RARRES1: variants seen among roughly 807,000 people sequenced by gnomAD.
RARRES1 encodes retinoic acid receptor responder 1, also known as retinoic acid receptor responder protein 1.
A neutral mutation model predicts 30.6 loss-of-function variants in RARRES1; 34 were observed. That is an observed-to-expected ratio of 1.11 (90% CI 0.84 to 1.48). RARRES1 has a LOEUF of 1.48. RARRES1 is among the 40% of genes most tolerant of loss of function. The probability of loss-of-function intolerance (pLI) is 0.00; values close to 1 mark genes in which losing one functional copy is unlikely to be tolerated. For missense variants in RARRES1, 373 were observed against 386.5 expected, an observed-to-expected ratio of 0.97 and a Z score of 0.29; for synonymous variants, 153 against 155.5, an observed-to-expected ratio of 0.98 and a Z score of 0.12.
intron 1 of RARRES1, among the ~76,000 whole-genome samples, chr3:158,717,207 T>C (rs1299547840): frequency 6.6e-6 from 1 of 152,234 alleles, no homozygotes; most frequent in Non-Finnish European, 1.5e-5. Flanking sequence ...GGGTCGTTGA[T>C]GTTCAACAAC....
chr3:158,732,111 C>T, intron 1 of RARRES1, 29 bp downstream of exon 1: 2 of 1,314,426 alleles, frequency 1.5e-6, no homozygotes, highest in African/African-American at 1.5e-5. Flanking sequence ...CAGGCAGGCG[C>T]GTGCCCCGGC....
At chr3:158,699,775 A>C (rs1206668504) in intron 4 of RARRES1, among the ~76,000 whole-genome samples, 1 of 152,200 alleles carries the variant, frequency 6.6e-6, no homozygotes, top group African/African-American at 2.4e-5. Context: ...CACAAGCTGG[A>C]AAGTCAGAGA....
intron 1 of RARRES1, among the ~76,000 whole-genome samples, chr3:158,720,273 T>TGAGAGAGAGA (rs968371151): frequency 1.1e-4 from 16 of 144,538 alleles, no homozygotes; most frequent in African/African-American, 3.8e-4. Flanking sequence ...TGTATGTGTG[T>TGAGAGAGAGA]GAGAGAGAGA....
At chr3:158,709,124 C>G (rs1261423913) in intron 3 of RARRES1, among the ~76,000 whole-genome samples, 1 of 152,108 alleles carries the variant, frequency 6.6e-6, no homozygotes, top group African/African-American at 2.4e-5. Flanking sequence ...AAAAGTTGCC[C>G]TCTATTAAAG....
Position 158,723,698 on chromosome 3 carries a change from G to A in RARRES1, c.276+8442C>T, listed in dbSNP as rs146586669. On this transcript the variant is annotated intron_variant, in intron 1 of 5. Coordinates refer to ENST00000237696, the MANE Select transcript of RARRES1 (RefSeq NM_206963.2). The surrounding 1 kb of genome is among the most constrained non-coding windows in gnomAD (Gnocchi z 4.4). Reference sequence around the variant, plus strand: ...CTTGATTTGGGGTAGGAAGCGAGTGGAAGTGGCCAGAGGCAGCTGCCCCCT... The same window carrying A: ...CTTGATTTGGGGTAGGAAGCGAGTGAAAGTGGCCAGAGGCAGCTGCCCCCT... 6.6e-6 allele frequency among the ~76,000 whole-genome samples: 1 copy of A among 152,166 alleles called. No individual in the cohort carries two copies. Among genetic ancestry groups the A allele is most frequent in the Admixed American group, 6.5e-5 (1 of 15,278 alleles).
intron 3 of RARRES1, among the ~76,000 whole-genome samples, chr3:158,707,691 C>A (rs1576811910): frequency 6.6e-6 from 1 of 152,262 alleles, no homozygotes; most frequent in East Asian, 1.9e-4. Context: ...ACACAGCTGT[C>A]ATGTGGAGTG....
chr3:158,726,960 G>A (rs1445945134), intron 1 of RARRES1, among the ~76,000 whole-genome samples: 1 of 152,136 alleles, frequency 6.6e-6, no homozygotes, highest in African/African-American at 2.4e-5. Flanking sequence ...TCTGAGATCT[G>A]GTTGTTTGAG....
rs147963906 is a variant in RARRES1, at chr3:158,708,425, C to T, written c.535+2313G>A. ...TATAGAACCACTTGGGCAGACACAA[C>T]TTTAGCTGGTTATTCCCAGGTCTTC... On this transcript the variant is annotated intron_variant, in intron 3 of 5. Transcript: ENST00000237696. Among the ~76,000 whole-genome samples, 507 of 152,290 alleles carry T rather than the reference C, an allele frequency of 3.3e-3. 1 individual carries two copies. The highest frequency in any genetic ancestry group is 0.011 in the African/African-American group (463 of 41,568).
At chr3:158,713,668 A>C (rs1727220067) in intron 2 of RARRES1, 129 bp downstream of exon 2, 1 of 867,292 alleles carries the variant, frequency 1.2e-6, no homozygotes, top group South Asian at 1.8e-5. Context: ...CTTGATAACA[A>C]ATAGGAAACA....
intron 3 of RARRES1, among the ~76,000 whole-genome samples, chr3:158,709,382 A>T (rs1241929152): frequency 1.3e-5 from 2 of 152,196 alleles, no homozygotes; most frequent in Non-Finnish European, 2.9e-5. Context: ...ATAAGTGTAG[A>T]TTTATAAGTA....
chr3:158,698,547 G>A (rs1726625428), intron 4 of RARRES1, among the ~76,000 whole-genome samples: 1 of 152,140 alleles, frequency 6.6e-6, no homozygotes, highest in East Asian at 1.9e-4. Flanking sequence ...AGCTATACAC[G>A]CTGTTTCTAA....
At chr3:158,714,510 A>C (rs1727254622) in intron 1 of RARRES1, among the ~76,000 whole-genome samples, 1 of 152,208 alleles carries the variant, frequency 6.6e-6, no homozygotes, top group South Asian at 2.1e-4. Flanking sequence ...CAACAGGATG[A>C]ATCACCAACA....
chr3:158,731,978 A>G (rs6441222), intron 1 of RARRES1, among the ~76,000 whole-genome samples, 162 bp downstream of exon 1: 37,514 of 152,120 alleles, frequency 0.25, 5,829 homozygotes, highest in African/African-American at 0.44. Flanking sequence ...GGGATACTTC[A>G]GGGGCGCCAG....
intron 4 of RARRES1, among the ~76,000 whole-genome samples, chr3:158,700,546 T>C (rs1726691036): frequency 1.3e-5 from 2 of 152,142 alleles, no homozygotes; most frequent in African/African-American, 4.8e-5. Context: ...TTTTTATAGA[T>C]TCCTCCTCCT....
Position 158,697,980 on chromosome 3 carries a change from G to A in RARRES1, c.673-10C>T. 6.7e-7 allele frequency: 1 copy of A among 1,483,340 alleles called. No homozygotes were observed. Among genetic ancestry groups the A allele is most frequent in the Non-Finnish European group, 9.3e-7 (1 of 1,071,836 alleles). The allele number at this position is 1,483,340 out of a possible 1,614,324, so 91.9% of individuals were successfully genotyped here. A position where few individuals can be genotyped will look rare whatever the true frequency, so the allele number is the denominator to read the frequency against. On this transcript the variant is annotated splice_polypyrimidine_tract_variant and intron_variant, in intron 4 of 5. Transcript: ENST00000237696. ...TATCATCATTAGTTTTCTAGAGGGA[G>A]AAAAAAGAGTTAGTGTAATAAATAT...
Position 158,697,868 on chromosome 3 carries a change from T to C in RARRES1, c.735+40A>G, listed in dbSNP as rs1455026444. ...ATAAAATATTATAATCTGCAAAAAC[T>C]TATGGTAAAAACAATTCTACATACA... is the stretch of plus-strand genomic sequence containing the variant. On this transcript the variant is annotated intron_variant, in intron 5 of 5. Coordinates refer to ENST00000237696, the MANE Select transcript of RARRES1 (RefSeq NM_206963.2). 3.8e-6 allele frequency: 6 copies of C among 1,583,092 alleles called. No individual in the cohort carries two copies. In the Middle Eastern group the frequency reaches 5.0e-4, roughly 133 times the overall value.
intron 1 of RARRES1, among the ~76,000 whole-genome samples, chr3:158,720,511 A>G (rs1180997695): frequency 6.6e-6 from 1 of 152,198 alleles, no homozygotes; most frequent in African/African-American, 2.4e-5. Context: ...AGGTGTCAGC[A>G]GGGCCATGCT....
rs1303502267 is a variant in RARRES1 at position 158,723,127 on chromosome 3, C to CGGTTG, written c.276+9008_276+9012dup. Among the ~76,000 whole-genome samples the CGGTTG allele has an allele frequency of 1.3e-5, 2 of 152,032 alleles. No individual in the cohort carries two copies. The highest frequency in any genetic ancestry group is 4.8e-5 in the African/African-American group (2 of 41,378). On this transcript the variant is annotated intron_variant, in intron 1 of 5. Transcript: ENST00000237696. The surrounding 1 kb of genome is among the most constrained non-coding windows in gnomAD (Gnocchi z 4.4). ...CTGGTCCTTCCTGTTGTGTTAGTGC[C>CGGTTG]GGTTGTGACAACGTTAATTTCCTGT...
At chr3:158,732,068 A>T in intron 1 of RARRES1, 72 bp downstream of exon 1, 5 of 1,243,760 alleles carry the variant, frequency 4.0e-6, no homozygotes, top group Non-Finnish European at 5.1e-6. Context: ...AGGCGCGCGT[A>T]CCCAGGTGTC....
Sources: gnomAD v4.1 joint callset for allele counts (sites outside exome capture counted in the v4.1 genomes callset) on GRCh38, gnomAD v4.1.1 for gene constraint, Gnocchi (gnomAD v3.1) non-coding constraint, MANE v1.5 for transcripts, NCBI Gene and HGNC (gene_info 2026-07-23, HGNC 2026-07-21) for gene names.